The following RFX4 variants were observed in gnomAD, a reference collection of about 807,000 sequenced individuals.
RFX4 encodes the protein transcription factor RFX4.
Under a neutral mutation model 95.0 loss-of-function variants are expected in RFX4, and 10 were observed. The observed-to-expected ratio is 0.11, with a 90% CI of 0.06 to 0.18. The LOEUF (loss-of-function observed/expected upper bound fraction) is 0.18, where lower values mean the gene tolerates loss of function less well. Among genes scored for constraint, RFX4 ranks in the 10% least tolerant of loss-of-function variants. The pLI is 1.00. For missense variants in RFX4, 640 were observed against 922.0 expected, an observed-to-expected ratio of 0.69 and a Z score of 3.96; for synonymous variants, 321 against 340.7, an observed-to-expected ratio of 0.94 and a Z score of 0.64.
At chr12:106,625,369 G>A (rs144690083) in intron 2 of RFX4, among the ~76,000 whole-genome samples, 12 of 152,268 alleles carry the variant, frequency 7.9e-5, no homozygotes, top group African/African-American at 2.4e-4. Flanking sequence ...GGACCAGTGG[G>A]GTCAAGTCCT....
At chr12:106,693,446 T>C (rs1033113729) in intron 7 of RFX4, among the ~76,000 whole-genome samples, 2 of 152,086 alleles carry the variant, frequency 1.3e-5, no homozygotes, top group African/African-American at 4.8e-5. Context: ...TGACTGCTCA[T>C]ATAAAAAAGG....
At chr12:106,607,567 G>GGGGGT (rs2039863517) in intron 1 of RFX4, among the ~76,000 whole-genome samples, 1 of 150,696 alleles carries the variant, frequency 6.6e-6, no homozygotes, top group Admixed American at 6.6e-5. Context: ...AAGTATAATG[G>GGGGGT]GGGGTGGGGT....
chr12:106,630,100 A>G (rs1405979975), intron 2 of RFX4, among the ~76,000 whole-genome samples: 2 of 151,328 alleles, frequency 1.3e-5, no homozygotes, highest in Admixed American at 6.6e-5. Flanking sequence ...GTGCATGCCT[A>G]TTTTTTCTTT....
At chr12:106,723,144 C>T (rs899176160) in intron 13 of RFX4, among the ~76,000 whole-genome samples, 2 of 152,208 alleles carry the variant, frequency 1.3e-5, no homozygotes, top group African/African-American at 2.4e-5. Flanking sequence ...CTTTCTTCTC[C>T]TTAATTCCTT....
At position 106,586,476 on chromosome 12, in the gene RFX4, A is replaced by G. The variant is rs4964180; in HGVS notation, c.43+3113A>G. Among the ~76,000 whole-genome samples, 79,650 of 151,398 alleles carry G rather than the reference A, an allele frequency of 0.53. 21,524 individuals are homozygous for G. Among genetic ancestry groups the G allele is most frequent in the East Asian group, 0.87 (4,419 of 5,098 alleles). ...TTTAGGCCACCGAGAACTTGTGCAAAGTGGGCCGGGCCGGGTCGGTCGCCT... is the reference window on the plus strand; with the variant it reads ...TTTAGGCCACCGAGAACTTGTGCAAGGTGGGCCGGGCCGGGTCGGTCGCCT... On this transcript the variant is annotated intron_variant, in intron 1 of 17. Coordinates refer to ENST00000392842, the MANE Select transcript of RFX4 (RefSeq NM_213594.3). This position sits in a 1 kb window ranked among gnomAD's most constrained non-coding sequence, Gnocchi z 5.6.
intron 4 of RFX4, among the ~76,000 whole-genome samples, chr12:106,673,253 G>C (rs941390444): frequency 6.6e-6 from 1 of 152,204 alleles, no homozygotes; most frequent in African/African-American, 2.4e-5. Context: ...GCAGAGAGGA[G>C]TGTTAATAGA....
chr12:106,738,880 G>A (rs185541659), intron 15 of RFX4, among the ~76,000 whole-genome samples: 291 of 152,120 alleles, frequency 1.9e-3, no homozygotes, highest in Non-Finnish European at 3.5e-3. Context: ...TATTACGGTA[G>A]GCTTCTTAAA....
At chr12:106,732,275 G>A (rs768694191) in intron 14 of RFX4, 26 bp downstream of exon 14, 3 of 1,612,442 alleles carry the variant, frequency 1.9e-6, no homozygotes, top group South Asian at 2.2e-5. Context: ...CCTGGGAATT[G>A]CACCACTTGG....
At chr12:106,637,673 AG>A (rs144026839) in intron 2 of RFX4, among the ~76,000 whole-genome samples, 22,240 of 152,180 alleles carry the variant, frequency 0.15, 1,787 homozygotes, top group African/African-American at 0.23. Flanking sequence ...AATCTTTATT[AG>A]GAATTGGATA....
chr12:106,692,073 C>T (rs937452582), intron 7 of RFX4, among the ~76,000 whole-genome samples: 3 of 151,488 alleles, frequency 2.0e-5, no homozygotes, highest in Non-Finnish European at 4.4e-5. Context: ...AGGAGAATCG[C>T]TTGAACCCAG....
chr12:106,725,238 T>C (rs993016690), intron 13 of RFX4, among the ~76,000 whole-genome samples: 2 of 152,168 alleles, frequency 1.3e-5, no homozygotes, highest in Admixed American at 6.5e-5. Flanking sequence ...CCTTCTTAGA[T>C]ACAGTGTAAC....
chr12:106,584,930 C>T (rs1395239969), intron 1 of RFX4, among the ~76,000 whole-genome samples: 1 of 152,174 alleles, frequency 6.6e-6, no homozygotes, highest in South Asian at 2.1e-4. Context: ...GCCTGCCCTG[C>T]GTGCCTCTCC....
At chr12:106,732,091 A>G (rs1427648060) in intron 13 of RFX4, 39 bp from the exon 14 acceptor site, 2 of 1,607,660 alleles carry the variant, frequency 1.2e-6, no homozygotes, top group Non-Finnish European at 1.7e-6. Flanking sequence ...TACACGAGAC[A>G]GCACGACTTA....
intron 2 of RFX4, among the ~76,000 whole-genome samples, chr12:106,634,133 A>G (rs1450069586): frequency 6.6e-6 from 1 of 152,232 alleles, no homozygotes; most frequent in Non-Finnish European, 1.5e-5. Flanking sequence ...GGATTCTCAG[A>G]TATTTTCTCC....
Position 106,583,004 on chromosome 12 carries a change from G to C in RFX4, c.-317G>C. On this transcript the variant is annotated 5_prime_UTR_variant, in exon 1 of 18. Transcript: ENST00000392842. ...TGATGCTTTTTCCCATGAAACATCC[G>C]CAAACATTTTGACGGGTTTGGCTTT... is the stretch of plus-strand genomic sequence containing the variant. The C allele has an allele frequency of 3.1e-6, 1 of 325,120 alleles. No individual in the cohort carries two copies. 20.1% of individuals were successfully genotyped at this position (325,120 alleles called of 1,614,324 possible).
rs147696394 is a variant in RFX4 at position 106,730,703 on chromosome 12, C to T, written c.1352-1427C>T. Among the ~76,000 whole-genome samples the T allele has an allele frequency of 3.9e-3, 586 of 152,136 alleles. 2 individuals carry two copies. Among genetic ancestry groups the T allele is most frequent in the African/African-American group, 0.013 (551 of 41,542 alleles). ...CAAAAAAAATAATGCCAGAGAGTCC[C>T]GTAAAGTCTCTAAAAGGCTGGGCGT... On this transcript the variant is annotated intron_variant, in intron 13 of 17. Transcript: ENST00000392842.
chr12:106,692,186 G>A (rs1187785985), intron 7 of RFX4, among the ~76,000 whole-genome samples: 7 of 151,294 alleles, frequency 4.6e-5, no homozygotes, highest in Admixed American at 4.6e-4. Context: ...AAATCTGCAT[G>A]TAGGGGACTC....
chr12:106,676,196 C>T (rs1234491387), intron 4 of RFX4, among the ~76,000 whole-genome samples: 1 of 152,220 alleles, frequency 6.6e-6, no homozygotes, highest in East Asian at 1.9e-4. Context: ...GGGAAAGGCT[C>T]ACAGAGCAGC....
At chr12:106,623,780 A>G (rs1302029322) in intron 2 of RFX4, among the ~76,000 whole-genome samples, 2 of 152,192 alleles carry the variant, frequency 1.3e-5, no homozygotes. Flanking sequence ...GTGAGACCCC[A>G]TCTCAAAAAA....
Sources: allele counts gnomAD v4.1 joint callset (sites outside exome capture counted in the v4.1 genomes callset), GRCh38; gene constraint gnomAD v4.1.1; non-coding constraint Gnocchi (gnomAD v3.1); transcripts MANE v1.5; gene names NCBI Gene and HGNC (gene_info 2026-07-23, HGNC 2026-07-21).